Variants in DCDC2 observed in about 807,000 individuals in gnomAD.
DCDC2 encodes the protein doublecortin domain containing 2, also known as doublecortin domain-containing protein 2.
In DCDC2, 40 loss-of-function variants were observed where a neutral mutation model predicts 50.2. That is an observed-to-expected ratio of 0.80 (90% confidence interval 0.62 to 1.04). DCDC2 has a LOEUF of 1.04. DCDC2 is among the 50% of genes least tolerant of loss of function. The pLI is 0.00. For synonymous variants in DCDC2, 234 were observed against 210.6 expected (o/e 1.11, Z -0.96); for missense variants, 570 against 581.9 (o/e 0.98, Z 0.21).
At chr6:24,275,741 C>T (rs6911203) in intron 7 of DCDC2, among the ~76,000 whole-genome samples, 3,344 of 152,182 alleles carry the variant, frequency 0.022, 101 homozygotes, top group African/African-American at 0.072. Context: ...AAGGCTTATA[C>T]CTTTTCTTTT....
At chr6:24,381,972 G>GAAGGAAGGAAGC in the DCDC2 span, among the ~76,000 whole-genome samples, 10 of 120,840 alleles carry the variant, frequency 8.3e-5, no homozygotes, top group South Asian at 1.3e-3. Flanking sequence ...AGGAAGGAAG[G>GAAGGAAGGAAGC]AAGGAAGGAA....
intron 7 of DCDC2, among the ~76,000 whole-genome samples, chr6:24,249,069 T>C (rs1440567725): frequency 1.3e-5 from 2 of 152,182 alleles, no homozygotes. Flanking sequence ...TCTACTTTGA[T>C]TTCTGTTATT....
chr6:24,291,948 A>G (rs1423027122), intron 4 of DCDC2, among the ~76,000 whole-genome samples: 1 of 152,102 alleles, frequency 6.6e-6, no homozygotes, highest in African/African-American at 2.4e-5. Flanking sequence ...AAAAGAACCC[A>G]TTGCCAGTGT....
At chr6:24,189,034 T>C (rs1761260827) in intron 8 of DCDC2, among the ~76,000 whole-genome samples, 1 of 152,140 alleles carries the variant, frequency 6.6e-6, no homozygotes, top group Non-Finnish European at 1.5e-5. Flanking sequence ...TTATTAATTA[T>C]AAGTAATTGC....
At chr6:24,258,379 G>C (rs543574774) in intron 7 of DCDC2, among the ~76,000 whole-genome samples, 67 of 152,278 alleles carry the variant, frequency 4.4e-4, no homozygotes, top group Non-Finnish European at 9.0e-4. Flanking sequence ...CATCTAGCTA[G>C]CCACAGAGAG....
chr6:24,180,154 A>G (rs1761037427), intron 8 of DCDC2, among the ~76,000 whole-genome samples: 1 of 152,128 alleles, frequency 6.6e-6, no homozygotes, highest in Admixed American at 6.5e-5. Context: ...AGTTATATAA[A>G]GTGTCATAGT....
At chr6:24,198,563 C>A (rs1436281862) in intron 8 of DCDC2, among the ~76,000 whole-genome samples, 2 of 152,106 alleles carry the variant, frequency 1.3e-5, no homozygotes, top group African/African-American at 4.8e-5. Context: ...GGGTTTCAAG[C>A]ACAAAACTGG....
At chr6:24,175,254 T>TAC (rs1320322055) in intron 9 of DCDC2, among the ~76,000 whole-genome samples, 1 of 152,220 alleles carries the variant, frequency 6.6e-6, no homozygotes, top group Non-Finnish European at 1.5e-5. Context: ...GTGAATATGG[T>TAC]ACCAAGTACC....
chr6:24,370,131 G>A, the DCDC2 span, among the ~76,000 whole-genome samples: 6 of 152,136 alleles, frequency 3.9e-5, no homozygotes, highest in African/African-American at 9.7e-5. Flanking sequence ...GTTGTCATAC[G>A]GAAGGAAAAC....
In DCDC2 at chr6:24,301,578, C is replaced by T. The variant is rs376102905; in HGVS notation, c.557+137G>A. On this transcript the variant is annotated intron_variant, in intron 4 of 9. Coordinates refer to ENST00000378454, the MANE Select transcript of DCDC2 (RefSeq NM_016356.5). ...CGCTATGAGGTATATCTCCATTCTA[C>T]AGATAAAGAAACTGAGGCATACGGG... The T allele has an allele frequency of 4.8e-5, 45 of 946,394 alleles. No individual in the cohort carries two copies. The East Asian group carries it at 8.2e-4, about 17-fold the overall frequency. The allele number at this position is 946,394 out of a possible 1,614,324, so 58.6% of individuals were successfully genotyped here. A position where few individuals can be genotyped will look rare whatever the true frequency, so the allele number is the denominator to read the frequency against.
upstream of DCDC2, among the ~76,000 whole-genome samples, chr6:24,358,980 A>ATTATATATTATATATTATATATT (rs1760567944): frequency 6.2e-5 from 1 of 16,056 alleles, no homozygotes; most frequent in South Asian, 1.3e-3. Flanking sequence ...TATTTTATAC[A>ATTATATATTATATATTATATATT]TTATATATTA....
the DCDC2 span, among the ~76,000 whole-genome samples, chr6:24,372,645 T>C: frequency 0.048 from 7,354 of 151,974 alleles, 182 homozygotes; most frequent in African/African-American, 0.06. Flanking sequence ...AAACCATCAT[T>C]CTCAGCAAAC....
chr6:24,236,095 T>G (rs1323226556), intron 7 of DCDC2, among the ~76,000 whole-genome samples: 4 of 152,266 alleles, frequency 2.6e-5, no homozygotes, highest in Middle Eastern at 3.4e-3. Context: ...AAAAAAATTC[T>G]AAAATTCATA....
At chr6:24,249,374 A>C (rs1318675814) in intron 7 of DCDC2, among the ~76,000 whole-genome samples, 1 of 152,252 alleles carries the variant, frequency 6.6e-6, no homozygotes, top group Non-Finnish European at 1.5e-5. Flanking sequence ...ACAAGTCTCT[A>C]TTCACTGATA....
rs1366220304 is a variant in DCDC2 at position 24,172,391 on chromosome 6, C to T, written c.*2339G>A. The T allele has an allele frequency of 1.3e-5, 2 of 152,046 alleles. No individual in the cohort carries two copies. The highest frequency in any genetic ancestry group is 6.6e-5 in the Admixed American group (1 of 15,264). 9.4% of individuals were successfully genotyped at this position (152,046 alleles called of 1,614,324 possible). A position where few individuals can be genotyped will look rare whatever the true frequency, so the allele number is the denominator to read the frequency against. On this transcript the variant is annotated 3_prime_UTR_variant, in exon 10 of 10. Coordinates refer to ENST00000378454, the MANE Select transcript of DCDC2 (RefSeq NM_016356.5). ...TTGGTACAGTTATTGTGGCTTATTACCCCCTTGAAGTATATTTAAAATACC... is the reference window on the plus strand; with the variant it reads ...TTGGTACAGTTATTGTGGCTTATTATCCCCTTGAAGTATATTTAAAATACC...
At chr6:24,230,941 T>C (rs1178267807) in intron 7 of DCDC2, among the ~76,000 whole-genome samples, 2 of 152,226 alleles carry the variant, frequency 1.3e-5, no homozygotes, top group Non-Finnish European at 1.5e-5. Context: ...AGAGTCTGCA[T>C]AGGCCATGCT....
intron 7 of DCDC2, among the ~76,000 whole-genome samples, chr6:24,237,682 A>T (rs745320226): frequency 1.3e-5 from 2 of 152,240 alleles, no homozygotes; most frequent in African/African-American, 2.4e-5. Flanking sequence ...GTGTCTATCA[A>T]TGGTGGATTG....
chr6:24,226,246 C>A (rs185627570), intron 7 of DCDC2, among the ~76,000 whole-genome samples: 5 of 152,282 alleles, frequency 3.3e-5, no homozygotes, highest in Non-Finnish European at 5.9e-5. Context: ...CAGTCCCTGG[C>A]CTCAAATAGA....
chr6:24,368,853 T>C, the DCDC2 span, among the ~76,000 whole-genome samples: 1 of 152,094 alleles, frequency 6.6e-6, no homozygotes, highest in African/African-American at 2.4e-5. Flanking sequence ...TAGAAAATAA[T>C]AGAATGTAAG....
Sources: allele counts gnomAD v4.1 joint callset (sites outside exome capture counted in the v4.1 genomes callset), GRCh38; gene constraint gnomAD v4.1.1; transcripts MANE v1.5; gene names NCBI Gene and HGNC (gene_info 2026-07-23, HGNC 2026-07-21).